The following CRACD variants were observed in gnomAD, a reference collection of about 807,000 sequenced individuals.
The protein encoded by CRACD is capping protein inhibiting regulator of actin dynamics, also known as capping protein-inhibiting regulator of actin dynamics.
In CRACD, 56 loss-of-function variants were observed where a neutral mutation model predicts 106.8. The ratio of observed to expected loss-of-function variants is 0.52; its 90% CI spans 0.42 to 0.66. The LOEUF (loss-of-function observed/expected upper bound fraction) is 0.66. Among genes scored for constraint, CRACD ranks in the 30% least tolerant of loss-of-function variants. The probability of loss-of-function intolerance (pLI) is 0.00; values close to 1 mark genes in which losing one functional copy is unlikely to be tolerated. For missense variants in CRACD, 1,730 were observed against 1,623.2 expected, an observed-to-expected ratio of 1.07 and a Z score of -1.13; for synonymous variants, 754 against 670.8, an observed-to-expected ratio of 1.12 and a Z score of -1.92.
chr4:56,078,621 GC>G (rs1732921014), intron 1 of CRACD, among the ~76,000 whole-genome samples: 1 of 152,062 alleles, frequency 6.6e-6, no homozygotes, highest in South Asian at 2.1e-4. Flanking sequence ...TCACTCTGTT[GC>G]CCAGGCTGGT....
rs1355453768 is a variant in CRACD at position 56,215,867 on chromosome 4, A to C, written c.-189+36437A>C. ...CTCTTTTATCTTGTGTCATTTTAGC[A>C]GAAAGTGAAGGACGATTTCCAAGCC... On this transcript the variant is annotated intron_variant, in intron 2 of 10. Coordinates refer to ENST00000682029, the MANE Select transcript of CRACD (RefSeq NM_001393381.1). Among the ~76,000 whole-genome samples the C allele has an allele frequency of 2.6e-5, 4 of 152,250 alleles. No homozygotes were observed. In the East Asian group the frequency reaches 7.7e-4, roughly 29 times the overall value.
intron 1 of CRACD, among the ~76,000 whole-genome samples, chr4:56,172,568 C>G (rs546287416): frequency 6.6e-6 from 1 of 152,150 alleles, no homozygotes; most frequent in Admixed American, 6.5e-5. Flanking sequence ...GTTCAAGCAA[C>G]TCTCCTGCCT....
intron 2 of CRACD, among the ~76,000 whole-genome samples, chr4:56,231,177 T>C (rs763770539): frequency 2.0e-5 from 3 of 152,198 alleles, no homozygotes; most frequent in Non-Finnish European, 4.4e-5. Context: ...TATTTTAACA[T>C]AGTTTTGAAA....
chr4:56,298,279 G>C lies in CRACD; in HGVS notation c.50G>C (p.Gly17Ala), dbSNP rs1744166607. The change falls in exon 4 of 11, where the codon GGA becomes GCA. Residue 17 changes from glycine to alanine, a missense_variant. By Grantham distance (60) the Gly-to-Ala change is moderately conservative. This residue lies in a region of CRACD where 1,620 missense variants were observed against 1,481.6 expected (regional missense o/e 1.09). Coordinates refer to ENST00000682029, the MANE Select transcript of CRACD (RefSeq NM_001393381.1). Reference protein sequence around the residue: ...SHDSIFIPDGGAESEQTVQAM... With the variant: ...SHDSIFIPDGAAESEQTVQAM... ...GACAGTATTTTTATCCCTGATGGGG[G>C]AGCAGAAAGTGAGCAGACAGTTCAA... 6.2e-7 allele frequency: 1 copy of C among 1,614,154 alleles called. No homozygotes were observed. The highest frequency in any genetic ancestry group is 8.5e-7 in the Non-Finnish European group (1 of 1,180,004).
chr4:56,124,769 C>G (rs1734605535), intron 1 of CRACD, among the ~76,000 whole-genome samples: 1 of 151,984 alleles, frequency 6.6e-6, no homozygotes. Context: ...CTTATGTTGT[C>G]TTTCCCTACT....
chr4:56,176,240 T>G (rs1736578180), intron 1 of CRACD, among the ~76,000 whole-genome samples: 1 of 152,156 alleles, frequency 6.6e-6, no homozygotes, highest in African/African-American at 2.4e-5. Context: ...TCCTTTTGCT[T>G]AGTTTTCTTT....
intron 8 of CRACD, 78 bp downstream of exon 8, chr4:56,316,767 G>C: frequency 1.4e-6 from 2 of 1,457,534 alleles, no homozygotes; most frequent in Non-Finnish European, 1.8e-6. Context: ...CCACACGCAG[G>C]TTCATGAGAA....
chr4:56,182,382 G>A lies in CRACD; in HGVS notation c.-189+2952G>A, dbSNP rs112903090. ...GAGACCCAGTTTGTCTCAAAAACGA[G>A]CAAACAAAAAAAGCAGAACAACAAC... On this transcript the variant is annotated intron_variant, in intron 2 of 10. Coordinates refer to ENST00000682029, the MANE Select transcript of CRACD (RefSeq NM_001393381.1). Among the ~76,000 whole-genome samples, 800 of 149,958 alleles carry A rather than the reference G, an allele frequency of 5.3e-3. 8 individuals are homozygous for A. Among genetic ancestry groups the A allele is most frequent in the African/African-American group, 0.019 (757 of 40,658 alleles).
At position 56,179,269 on chromosome 4, in the gene CRACD, T is replaced by C. The variant is rs1736713933; in HGVS notation, c.-335-15T>C. ...AAGACATAAAGTTCTTAATGTTTTTTTTTTTTCTCAACAGCTTACAAGAGC... is the reference window on the plus strand; with the variant it reads ...AAGACATAAAGTTCTTAATGTTTTTCTTTTTTCTCAACAGCTTACAAGAGC... On this transcript the variant is annotated splice_polypyrimidine_tract_variant and intron_variant, in intron 1 of 10. Transcript: ENST00000682029. 1 of 152,132 alleles carries C rather than the reference T, an allele frequency of 6.6e-6. No individual in the cohort carries two copies. The highest frequency in any genetic ancestry group is 2.1e-4 in the South Asian group (1 of 4,826). The allele number at this position is 152,132 out of a possible 1,614,324, so 9.4% of individuals were successfully genotyped here. A position where few individuals can be genotyped will look rare whatever the true frequency, so the allele number is the denominator to read the frequency against.
At chr4:56,136,998 C>G (rs1326641485) in intron 1 of CRACD, among the ~76,000 whole-genome samples, 1 of 152,166 alleles carries the variant, frequency 6.6e-6, no homozygotes, top group African/African-American at 2.4e-5. Flanking sequence ...ATGAATTGCC[C>G]TCACACCATT....
intron 1 of CRACD, among the ~76,000 whole-genome samples, chr4:56,090,471 C>T (rs1425668978): frequency 6.6e-6 from 1 of 152,074 alleles, no homozygotes; most frequent in Non-Finnish European, 1.5e-5. Context: ...TATCTTGGCT[C>T]TCTGCAGCCT....
rs1746646565 is a variant in CRACD, at chr4:56,329,128, C to G, written c.*1324C>G. Among the ~76,000 whole-genome samples the G allele has an allele frequency of 6.6e-6, 1 of 152,178 alleles. No homozygotes were observed. The highest frequency in any genetic ancestry group is 2.1e-4 in the South Asian group (1 of 4,832). On this transcript the variant is annotated 3_prime_UTR_variant, in exon 11 of 11. Transcript: ENST00000682029. The stretch of plus-strand genomic sequence containing the variant: ...ATGTGCATACAAAGAAGGGACTTGG[C>G]AGTTTAAAAGCCACATATATTCACT...
intron 1 of CRACD, among the ~76,000 whole-genome samples, chr4:56,140,872 T>A (rs1735171124): frequency 6.6e-6 from 1 of 152,212 alleles, no homozygotes; most frequent in African/African-American, 2.4e-5. Flanking sequence ...AAACCCTGGG[T>A]ATATCCCAAC....
intron 1 of CRACD, among the ~76,000 whole-genome samples, chr4:56,072,612 T>C (rs958973876): frequency 1.4e-4 from 19 of 133,368 alleles, no homozygotes; most frequent in Admixed American, 3.5e-4. Flanking sequence ...TTCTTTCTTT[T>C]TTTTTAAGTA....
Position 56,122,412 on chromosome 4 carries a change from C to G in CRACD, c.-335-56872C>G, listed in dbSNP as rs1035415886. Among the ~76,000 whole-genome samples, 26 of 152,134 alleles carry G rather than the reference C, an allele frequency of 1.7e-4. No individual in the cohort carries two copies. In the East Asian group the frequency reaches 5.0e-3, roughly 29 times the overall value. ...AAAAAATTTGCAAAAATTAAAACCT[C>G]CAAATTCTCTATAGACATTATATCC... On this transcript the variant is annotated intron_variant, in intron 1 of 10. Transcript: ENST00000682029.
intron 2 of CRACD, among the ~76,000 whole-genome samples, chr4:56,208,660 T>A (rs1277177266): frequency 6.6e-6 from 1 of 152,222 alleles, no homozygotes; most frequent in East Asian, 1.9e-4. Flanking sequence ...TCCATATGAT[T>A]TAACATATCA....
chr4:56,187,896 C>T lies in CRACD; in HGVS notation c.-189+8466C>T, dbSNP rs576168782. On this transcript the variant is annotated intron_variant, in intron 2 of 10. Transcript: ENST00000682029. ...AGCTAAAGTCAGCATGGAAAATGTC[C>T]TCCACTACTGTTTACTGTTAAAGCA... Among the ~76,000 whole-genome samples the T allele has an allele frequency of 5.9e-5, 9 of 152,166 alleles. No individual in the cohort carries two copies. The South Asian group carries it at 1.7e-3, about 28-fold the overall frequency.
chr4:56,129,190 C>T (rs796856254), intron 1 of CRACD, among the ~76,000 whole-genome samples: 8 of 152,358 alleles, frequency 5.3e-5, no homozygotes, highest in African/African-American at 1.9e-4. Flanking sequence ...ATCCTCCCCC[C>T]TCAGCCTCCT....
rs563063374 is a variant in CRACD, at chr4:56,056,974, A to T, written c.-336+7675A>T. Reference sequence around the variant, plus strand: ...ATTTGGTGTGAAAAGAGAATGCAAAATATGTCATTAATAGTTTTTTAATGT... The same window carrying T: ...ATTTGGTGTGAAAAGAGAATGCAAATTATGTCATTAATAGTTTTTTAATGT... On this transcript the variant is annotated intron_variant, in intron 1 of 10. Transcript: ENST00000682029. Among the ~76,000 whole-genome samples, 28 of 152,316 alleles carry T rather than the reference A, an allele frequency of 1.8e-4. No individual in the cohort carries two copies. In the South Asian group the frequency reaches 3.3e-3, roughly 18 times the overall value.
Sources: allele counts gnomAD v4.1 joint callset (sites outside exome capture counted in the v4.1 genomes callset), GRCh38; gene constraint gnomAD v4.1.1; regional missense constraint gnomAD v4.1.1; transcripts MANE v1.5; gene names NCBI Gene and HGNC (gene_info 2026-07-23, HGNC 2026-07-21).